Variants in DOCK10 observed in about 807,000 individuals in gnomAD.
DOCK10 encodes the protein dedicator of cytokinesis 10.
In DOCK10, 145 loss-of-function variants were observed where a neutral mutation model predicts 280.1. The observed-to-expected ratio is 0.52, with a 90% CI of 0.45 to 0.59. The LOEUF (loss-of-function observed/expected upper bound fraction) is 0.59, where lower values mean the gene tolerates loss of function less well. DOCK10 is among the 20% of genes least tolerant of loss of function. The probability of loss-of-function intolerance (pLI) is 0.00; values close to 1 mark genes in which losing one functional copy is unlikely to be tolerated. For synonymous variants in DOCK10, 915 were observed against 942.2 expected, an observed-to-expected ratio of 0.97 and a Z score of 0.53; for missense variants, 2,368 against 2,651.7, an observed-to-expected ratio of 0.89 and a Z score of 2.35.
chr2:224,783,796 T>G (rs1216045168), intron 50 of DOCK10, among the ~76,000 whole-genome samples: 1 of 151,884 alleles, frequency 6.6e-6, no homozygotes, highest in Non-Finnish European at 1.5e-5. Context: ...ATCCCAAATT[T>G]ATAAATGAAC....
intron 7 of DOCK10, among the ~76,000 whole-genome samples, chr2:224,883,583 G>A (rs78751389): frequency 0.057 from 8,733 of 152,222 alleles, 296 homozygotes; most frequent in South Asian, 0.086. Flanking sequence ...TTACAGATGA[G>A]GAACCTGAGA....
intron 22 of DOCK10, among the ~76,000 whole-genome samples, chr2:224,843,388 A>G (rs887906141): frequency 6.6e-6 from 1 of 152,180 alleles, no homozygotes; most frequent in African/African-American, 2.4e-5. Context: ...AGCATGAGAA[A>G]GAGAAACTGA....
chr2:224,827,536 C>G (rs1694949151), intron 27 of DOCK10, among the ~76,000 whole-genome samples: 2 of 152,066 alleles, frequency 1.3e-5, no homozygotes, highest in South Asian at 4.1e-4. Flanking sequence ...CTGGTAGGAA[C>G]TAGAAGAGAA....
intron 1 of DOCK10, chr2:224,946,800 G>T (rs1267931747): frequency 2.8e-6 from 4 of 1,405,826 alleles, no homozygotes; most frequent in South Asian, 2.8e-5. Flanking sequence ...TGAAAGAAAG[G>T]ATTGAAGGAA....
chr2:224,833,964 T>C (rs913953267), intron 26 of DOCK10, among the ~76,000 whole-genome samples, 186 bp downstream of exon 26: 2 of 152,198 alleles, frequency 1.3e-5, no homozygotes, highest in South Asian at 4.1e-4. Context: ...CTCTACTTTT[T>C]TCTATGTTGT....
chr2:225,040,937 CA>C (rs1446051511), intron 1 of DOCK10, among the ~76,000 whole-genome samples: 1 of 152,142 alleles, frequency 6.6e-6, no homozygotes, highest in Non-Finnish European at 1.5e-5. Context: ...GTCCCTGGCA[CA>C]GAGTGAGCTA....
At chr2:224,914,459 A>C (rs1002519963) in intron 3 of DOCK10, among the ~76,000 whole-genome samples, 1 of 152,218 alleles carries the variant, frequency 6.6e-6, no homozygotes, top group Non-Finnish European at 1.5e-5. Context: ...TGAAGTAGAA[A>C]GTTTATACCA....
chr2:224,825,633 T>G (rs1003684325), intron 27 of DOCK10, among the ~76,000 whole-genome samples: 1 of 152,240 alleles, frequency 6.6e-6, no homozygotes, highest in African/African-American at 2.4e-5. Context: ...AATATTCCAT[T>G]TGTTCCTTCC....
intron 1 of DOCK10, among the ~76,000 whole-genome samples, chr2:224,968,173 G>A (rs1418567146): frequency 2.0e-5 from 3 of 152,366 alleles, no homozygotes; most frequent in East Asian, 1.9e-4. Context: ...AATCAAGTAT[G>A]TGTGAAACAA....
intron 2 of DOCK10, among the ~76,000 whole-genome samples, chr2:224,918,972 GGTGT>G (rs1202159071): frequency 9.7e-5 from 14 of 144,638 alleles, no homozygotes; most frequent in African/African-American, 3.1e-4. Flanking sequence ...GTGTATGTGT[GGTGT>G]GTGTGTTTGT....
In DOCK10 at chr2:224,771,917, C is replaced by CT. The variant is rs35364268; in HGVS notation, c.6204+1239dup. 4.6e-4 allele frequency among the ~76,000 whole-genome samples: 65 copies of CT among 141,396 alleles called. 1 individual carries two copies. The highest frequency in any genetic ancestry group is 2.0e-3 in the South Asian group (9 of 4,500). The allele number at this position is 141,396 out of a possible 152,430, so 92.8% of individuals were successfully genotyped here. Reference sequence around the variant, plus strand: ...TCAGTAGCATTAATTTTTTCTTTGGCTTTTTTTTTTTTTTATTTTTTGAGA... The same window carrying CT: ...TCAGTAGCATTAATTTTTTCTTTGGCTTTTTTTTTTTTTTTATTTTTTGAGA... On this transcript the variant is annotated intron_variant, in intron 53 of 55. Coordinates refer to ENST00000258390, the MANE Select transcript of DOCK10 (RefSeq NM_014689.3).
chr2:224,875,215 T>G (rs1375674793), intron 8 of DOCK10, among the ~76,000 whole-genome samples: 1 of 152,250 alleles, frequency 6.6e-6, no homozygotes, highest in Non-Finnish European at 1.5e-5. Flanking sequence ...AAACACCTAC[T>G]ATGGCATACA....
At chr2:224,771,381 T>C (rs1045071781) in intron 53 of DOCK10, among the ~76,000 whole-genome samples, 1 of 152,208 alleles carries the variant, frequency 6.6e-6, no homozygotes, top group Admixed American at 6.5e-5. Flanking sequence ...AATAAACACA[T>C]ACTATTATGA....
At chr2:225,025,868 A>C (rs1689906736) in intron 1 of DOCK10, among the ~76,000 whole-genome samples, 1 of 152,202 alleles carries the variant, frequency 6.6e-6, no homozygotes, top group Non-Finnish European at 1.5e-5. Context: ...CCATCCATCT[A>C]ACCAAGAATC....
At chr2:224,882,386 T>C (rs948476511) in intron 7 of DOCK10, among the ~76,000 whole-genome samples, 2 of 152,132 alleles carry the variant, frequency 1.3e-5, no homozygotes, top group African/African-American at 4.8e-5. Flanking sequence ...TATGAAAAAA[T>C]AGAAAACCAT....
chr2:224,900,473 G>A (rs1340952545), intron 3 of DOCK10, among the ~76,000 whole-genome samples: 2 of 152,094 alleles, frequency 1.3e-5, no homozygotes, highest in Non-Finnish European at 2.9e-5. Flanking sequence ...TTTCAAACTG[G>A]ATTTGTCTGA....
intron 4 of DOCK10, among the ~76,000 whole-genome samples, chr2:224,888,492 G>A (rs1575000829): frequency 1.3e-5 from 2 of 151,662 alleles, no homozygotes; most frequent in Non-Finnish European, 1.5e-5. Context: ...ACATGTGTGT[G>A]TATAGCATTC....
rs141551117 is a variant in DOCK10 at position 225,034,853 on chromosome 2, G to A, written c.123+7399C>T. ...GAGTGTTGAGGGTGGGGAGCCTGGT[G>A]GGAGATTCTCTGGTAGGAGGAGTAA... On this transcript the variant is annotated intron_variant, in intron 1 of 55. Coordinates refer to ENST00000258390, the MANE Select transcript of DOCK10 (RefSeq NM_014689.3). 5.2e-3 allele frequency among the ~76,000 whole-genome samples: 798 copies of A among 152,250 alleles called. 13 individuals carry two copies. Among genetic ancestry groups the A allele is most frequent in the African/African-American group, 0.018 (755 of 41,534 alleles).
Position 224,845,625 on chromosome 2 carries a change from T to G in DOCK10, c.2253A>C (p.Pro751=). 6.2e-7 allele frequency: 1 copy of G among 1,610,874 alleles called. No homozygotes were observed. The highest frequency in any genetic ancestry group is 1.7e-4 in the Middle Eastern group (1 of 6,052). ...TATGGTGTTTCTCATGGAGTTGTGT[T>G]GGTAGCTCAATTTTCACCTGCAACG... ...DFSDEVKIEL[P]TQLHEKHHIL... is the part of the protein sequence containing the mutation. Residue 751 remains proline (P), a synonymous_variant, in exon 20 of 56, where the codon CCA becomes CCC. Transcript: ENST00000258390.
Sources: gnomAD v4.1 joint callset for allele counts (sites outside exome capture counted in the v4.1 genomes callset) on GRCh38, gnomAD v4.1.1 for gene constraint, MANE v1.5 for transcripts, NCBI Gene and HGNC (gene_info 2026-07-23, HGNC 2026-07-21) for gene names.